The following SPAG16 variants were observed in gnomAD, a reference collection of about 807,000 sequenced individuals.
SPAG16 encodes sperm-associated antigen 16 protein.
In SPAG16, 86 loss-of-function variants were observed where a neutral mutation model predicts 80.4. That is an observed-to-expected ratio of 1.07 (90% CI 0.90 to 1.28). The LOEUF is 1.28. Ranked by LOEUF, SPAG16 falls within the 50% of genes most tolerant of loss-of-function variation. The probability of loss-of-function intolerance (pLI) is 0.00; values close to 1 mark genes in which losing one functional copy is unlikely to be tolerated. For missense variants in SPAG16, 870 were observed against 765.3 expected (o/e 1.14, Z -1.61); for synonymous variants, 294 against 265.9 (o/e 1.11, Z -1.03).
chr2:213,317,852 A>G (rs542658714), intron 5 of SPAG16: 3 of 434,706 alleles, frequency 6.9e-6, no homozygotes, highest in South Asian at 1.9e-4. Context: ...GTTGGGGGCT[A>G]TTGATAATGG....
At position 213,676,993 on chromosome 2, in the gene SPAG16, G is replaced by T. The variant is rs531325615; in HGVS notation, c.1071-185492G>T. Among the ~76,000 whole-genome samples, 266 of 151,642 alleles carry T rather than the reference G, an allele frequency of 1.8e-3. 1 individual carries two copies. Among genetic ancestry groups the T allele is most frequent in the African/African-American group, 6.2e-3 (256 of 41,298 alleles). ...CTCCTTGTACCTCTGGTAGAATTCG[G>T]CTGTGAATCCATCTGGTCCTGGACT... On this transcript the variant is annotated intron_variant, in intron 10 of 15. Coordinates refer to ENST00000331683, the MANE Select transcript of SPAG16 (RefSeq NM_024532.5).
chr2:214,394,819 G>T (rs962172570), intron 15 of SPAG16, among the ~76,000 whole-genome samples: 12 of 152,058 alleles, frequency 7.9e-5, no homozygotes, highest in Non-Finnish European at 1.3e-4. Context: ...CTATGGTATC[G>T]CAGAATAGTT....
chr2:214,213,555 T>A (rs1328855008), intron 15 of SPAG16, among the ~76,000 whole-genome samples: 3 of 152,174 alleles, frequency 2.0e-5, no homozygotes, highest in African/African-American at 7.2e-5. Flanking sequence ...CATTTTGAGT[T>A]TAATATAATG....
intron 9 of SPAG16, among the ~76,000 whole-genome samples, chr2:213,465,417 G>A (rs2072624564): frequency 6.6e-6 from 1 of 152,142 alleles, no homozygotes; most frequent in Admixed American, 6.5e-5. Flanking sequence ...TGTAAAGAGA[G>A]TCCATTCTGC....
intron 15 of SPAG16, among the ~76,000 whole-genome samples, chr2:214,264,066 T>C (rs961159649): frequency 1.3e-5 from 2 of 152,166 alleles, no homozygotes; most frequent in African/African-American, 2.4e-5. Context: ...AACATTTAAA[T>C]TTCAGAAATC....
intron 15 of SPAG16, among the ~76,000 whole-genome samples, chr2:214,313,934 T>G (rs1695504558): frequency 6.6e-6 from 1 of 152,172 alleles, no homozygotes; most frequent in Non-Finnish European, 1.5e-5. Flanking sequence ...CTAAAGAGAT[T>G]ATTGCTAATT....
At chr2:214,112,145 T>C (rs2053697047) in intron 14 of SPAG16, among the ~76,000 whole-genome samples, 1 of 152,162 alleles carries the variant, frequency 6.6e-6, no homozygotes, top group Non-Finnish European at 1.5e-5. Flanking sequence ...TAATCCTGAG[T>C]TCTAGTTTGA....
At chr2:214,018,964 G>A (rs2047724212) in intron 13 of SPAG16, among the ~76,000 whole-genome samples, 1 of 152,030 alleles carries the variant, frequency 6.6e-6, no homozygotes, top group Non-Finnish European at 1.5e-5. Flanking sequence ...GATGAAAAAA[G>A]GGATATAAAT....
intron 13 of SPAG16, among the ~76,000 whole-genome samples, chr2:214,015,702 T>C (rs1436014816): frequency 1.3e-5 from 2 of 152,084 alleles, no homozygotes; most frequent in African/African-American, 4.8e-5. Flanking sequence ...AGGAGGCTTG[T>C]CTGAACACCA....
chr2:213,924,348 A>G (rs1414866428), intron 11 of SPAG16, among the ~76,000 whole-genome samples: 1 of 152,088 alleles, frequency 6.6e-6, no homozygotes, highest in African/African-American at 2.4e-5. Context: ...GAGAGCATGA[A>G]TCTCCTGGGG....
intron 15 of SPAG16, among the ~76,000 whole-genome samples, chr2:214,193,406 T>A (rs559294569): frequency 7.9e-6 from 1 of 127,134 alleles, no homozygotes; most frequent in Admixed American, 8.4e-5. Flanking sequence ...TGTGTGTGTG[T>A]GTGTGTGTGT....
At chr2:213,807,674 A>T (rs2071856301) in intron 10 of SPAG16, among the ~76,000 whole-genome samples, 1 of 152,200 alleles carries the variant, frequency 6.6e-6, no homozygotes, top group South Asian at 2.1e-4. Context: ...CATCAGTTTC[A>T]TCCAGAAGCA....
At chr2:214,087,875 G>T (rs914591263) in intron 13 of SPAG16, among the ~76,000 whole-genome samples, 23 of 151,824 alleles carry the variant, frequency 1.5e-4, no homozygotes, top group Admixed American at 1.3e-3. Context: ...TGAACAGGAA[G>T]AACATCTAGA....
chr2:214,260,094 G>C (rs1691027338), intron 15 of SPAG16, among the ~76,000 whole-genome samples: 1 of 152,004 alleles, frequency 6.6e-6, no homozygotes, highest in African/African-American at 2.4e-5. Flanking sequence ...TTTTTGTTCT[G>C]ATTAGTGGGT....
chr2:213,850,775 T>C (rs1305932151), intron 10 of SPAG16, among the ~76,000 whole-genome samples: 29 of 152,092 alleles, frequency 1.9e-4, no homozygotes, highest in Admixed American at 1.8e-3. Context: ...GTTTGGTCAG[T>C]GGTGACTTAG....
At chr2:214,105,532 A>G (rs1015064836) in intron 13 of SPAG16, among the ~76,000 whole-genome samples, 1 of 152,226 alleles carries the variant, frequency 6.6e-6, no homozygotes, top group Non-Finnish European at 1.5e-5. Context: ...AGATCCAAAA[A>G]TTAAATGTGG....
chr2:213,629,961 C>T (rs963398600), intron 10 of SPAG16, among the ~76,000 whole-genome samples: 1 of 152,208 alleles, frequency 6.6e-6, no homozygotes, highest in African/African-American at 2.4e-5. Context: ...TATTTTCCCT[C>T]CAGCCTAGGC....
chr2:213,833,538 TA>T (rs1463681029), intron 10 of SPAG16, among the ~76,000 whole-genome samples: 51 of 376 alleles, frequency 0.14, 14 homozygotes, highest in Admixed American at 0.19. Context: ...ATATTATATA[TA>T]ATATATATAA....
At chr2:213,908,602 A>G (rs1317170545) in intron 11 of SPAG16, among the ~76,000 whole-genome samples, 4 of 152,218 alleles carry the variant, frequency 2.6e-5, no homozygotes, top group East Asian at 1.9e-4. Flanking sequence ...ATACCTATAT[A>G]TAGTGCTGTC....
Sources: gnomAD v4.1 joint callset for allele counts (sites outside exome capture counted in the v4.1 genomes callset) on GRCh38, gnomAD v4.1.1 for gene constraint, MANE v1.5 for transcripts, NCBI Gene and HGNC (gene_info 2026-07-23, HGNC 2026-07-21) for gene names.